OSBP2: variants seen among roughly 807,000 people sequenced by gnomAD.
OSBP2 encodes the protein oxysterol binding protein 2.
In OSBP2, 66 loss-of-function variants were observed where a neutral mutation model predicts 96.0. The ratio of observed to expected loss-of-function variants is 0.69; its 90% confidence interval spans 0.56 to 0.84. The LOEUF (loss-of-function observed/expected upper bound fraction) is 0.84, where lower values mean the gene tolerates loss of function less well. Among genes scored for constraint, OSBP2 ranks in the 40% least tolerant of loss-of-function variants. OSBP2 has a pLI of 0.00. For synonymous variants in OSBP2, 525 were observed against 520.9 expected (o/e 1.01, Z -0.11); for missense variants, 1,038 against 1,222.7 (o/e 0.85, Z 2.25).
At chr22:30,831,195 T>C (rs904071789) in intron 2 of OSBP2, among the ~76,000 whole-genome samples, 1 of 152,098 alleles carries the variant, frequency 6.6e-6, no homozygotes. Context: ...TTGGGGCGGG[T>C]GTGGACAACA....
At chr22:30,861,477 G>C (rs1395610361) in intron 2 of OSBP2, among the ~76,000 whole-genome samples, 1 of 152,208 alleles carries the variant, frequency 6.6e-6, no homozygotes, top group Non-Finnish European at 1.5e-5. Flanking sequence ...CCTACGGAGA[G>C]GCCCCGAGAA....
chr22:30,764,613 G>C (rs1411030371), intron 2 of OSBP2, among the ~76,000 whole-genome samples: 1 of 152,134 alleles, frequency 6.6e-6, no homozygotes, highest in Non-Finnish European at 1.5e-5. Context: ...TTACTTGTTG[G>C]GGGAGACATT....
intron 2 of OSBP2, among the ~76,000 whole-genome samples, chr22:30,809,358 G>A (rs1272682389): frequency 2.0e-5 from 3 of 152,170 alleles, no homozygotes; most frequent in Non-Finnish European, 4.4e-5. Context: ...GCGAGAAATC[G>A]AGAAGTGTAT....
chr22:30,846,929 T>A (rs749320123), intron 2 of OSBP2, among the ~76,000 whole-genome samples: 1 of 152,108 alleles, frequency 6.6e-6, no homozygotes, highest in Non-Finnish European at 1.5e-5. Context: ...TTGGTTTAGG[T>A]CCTTGGTCTG....
At position 30,906,704 on chromosome 22, in the gene OSBP2, C is replaced by T. The variant is rs368797450; in HGVS notation, c.*365C>T. On this transcript the variant is annotated 3_prime_UTR_variant, in exon 14 of 14. Transcript: ENST00000332585. ...ACTGGCCCCTCCTAGGGAGCCTCTT[C>T]GACTTTTTTAGAAAAATGATCTCCA... The T allele has an allele frequency of 1.3e-4, 26 of 198,468 alleles. No individual in the cohort carries two copies. Among genetic ancestry groups the T allele is most frequent in the African/African-American group, 4.9e-4 (21 of 43,218 alleles). The allele number at this position is 198,468 out of a possible 1,614,324, so 12.3% of individuals were successfully genotyped here.
chr22:30,894,350 GA>G (rs781034228), intron 12 of OSBP2: 107 of 219,418 alleles, frequency 4.9e-4, no homozygotes, highest in African/African-American at 6.8e-4. Flanking sequence ...TCGACAAAGG[GA>G]AAAAAAAATG....
chr22:30,726,120 A>G lies in OSBP2; in HGVS notation c.645-15041A>G, dbSNP rs186872423. ...AGGCTCCCATAGAAGGTGAAGTGCT[A>G]CATAGATGAAAGTTGTATTGATAGG... On this transcript the variant is annotated intron_variant, in intron 1 of 13. Coordinates refer to ENST00000332585, the MANE Select transcript of OSBP2 (RefSeq NM_030758.4). Among the ~76,000 whole-genome samples the G allele has an allele frequency of 3.9e-5, 6 of 152,284 alleles. No individual in the cohort carries two copies. In the East Asian group the frequency reaches 1.2e-3, roughly 29 times the overall value.
intron 2 of OSBP2, among the ~76,000 whole-genome samples, chr22:30,808,502 GT>G (rs1457376631): frequency 1.3e-5 from 2 of 152,142 alleles, no homozygotes; most frequent in African/African-American, 4.8e-5. Context: ...GTGAGACCCT[GT>G]CTCAAAAGAA....
chr22:30,850,663 C>T (rs944037271), intron 2 of OSBP2, among the ~76,000 whole-genome samples: 1 of 152,042 alleles, frequency 6.6e-6, no homozygotes, highest in Admixed American at 6.6e-5. Flanking sequence ...TCATGCCTGG[C>T]TAATTTTGTA....
intron 2 of OSBP2, among the ~76,000 whole-genome samples, chr22:30,749,065 G>A (rs540846686): frequency 1.3e-5 from 2 of 152,174 alleles, no homozygotes; most frequent in Admixed American, 6.5e-5. Flanking sequence ...GCAGTGAGCC[G>A]AGATTGTGTC....
chr22:30,761,325 C>T (rs568643874), intron 2 of OSBP2, among the ~76,000 whole-genome samples: 2 of 152,128 alleles, frequency 1.3e-5, no homozygotes, highest in Admixed American at 1.3e-4. Context: ...CAATTGGTAA[C>T]AAAAAATTTT....
At chr22:30,838,979 C>G (rs1261047338) in intron 2 of OSBP2, among the ~76,000 whole-genome samples, 1 of 113,898 alleles carries the variant, frequency 8.8e-6, no homozygotes, top group African/African-American at 3.3e-5. Context: ...AATCTCCCCC[C>G]TCCCCCCACC....
intron 2 of OSBP2, among the ~76,000 whole-genome samples, chr22:30,853,741 C>A (rs1369347009): frequency 6.6e-6 from 1 of 151,360 alleles, no homozygotes; most frequent in East Asian, 1.9e-4. Context: ...CTTCTACTAG[C>A]TCATAAGCTA....
intron 12 of OSBP2, among the ~76,000 whole-genome samples, chr22:30,898,319 C>T (rs2147179962): frequency 6.6e-6 from 1 of 152,032 alleles, no homozygotes; most frequent in East Asian, 1.9e-4. Context: ...CACCACTGCA[C>T]TCTAGCCTGT....
intron 1 of OSBP2, among the ~76,000 whole-genome samples, chr22:30,733,006 C>G (rs565570008): frequency 6.6e-6 from 1 of 152,350 alleles, no homozygotes; most frequent in East Asian, 1.9e-4. Context: ...GACCATGGTG[C>G]TGCTGGAGGC....
intron 2 of OSBP2, among the ~76,000 whole-genome samples, chr22:30,767,703 G>C (rs1308871105): frequency 6.6e-6 from 1 of 152,262 alleles, no homozygotes; most frequent in African/African-American, 2.4e-5. Context: ...GAAAGGGGCC[G>C]CACATGTGCT....
chr22:30,818,563 C>T (rs974418301), intron 2 of OSBP2, among the ~76,000 whole-genome samples: 15 of 152,132 alleles, frequency 9.9e-5, no homozygotes, highest in Admixed American at 5.9e-4. Context: ...CTGGGGCCGC[C>T]GTGAGTGCCT....
intron 2 of OSBP2, among the ~76,000 whole-genome samples, chr22:30,813,567 A>G (rs534965364): frequency 5.3e-4 from 80 of 152,180 alleles, no homozygotes; most frequent in Admixed American, 1.2e-3. Context: ...TGCAAGCTAT[A>G]TAGCCATGCT....
At chr22:30,811,382 G>C (rs1387477759) in intron 2 of OSBP2, among the ~76,000 whole-genome samples, 1 of 149,550 alleles carries the variant, frequency 6.7e-6, no homozygotes, top group African/African-American at 2.5e-5. Flanking sequence ...GTCTTGCTCT[G>C]TCACCCAGAC....
Sources: allele counts gnomAD v4.1 joint callset (sites outside exome capture counted in the v4.1 genomes callset), GRCh38; gene constraint gnomAD v4.1.1; transcripts MANE v1.5; gene names NCBI Gene and HGNC (gene_info 2026-07-23, HGNC 2026-07-21).